Variants in RBFOX1 observed in about 807,000 individuals in gnomAD.
RBFOX1 encodes RNA binding protein fox-1 homolog 1.
A neutral mutation model predicts 57.7 loss-of-function variants in RBFOX1; 8 were observed. That is an observed-to-expected ratio of 0.14 (90% CI 0.08 to 0.25). The LOEUF (loss-of-function observed/expected upper bound fraction) is 0.25. Ranked by LOEUF, RBFOX1 falls within the 10% of genes least tolerant of loss-of-function variation. The pLI is 1.00. For missense variants in RBFOX1, 611 were observed against 548.5 expected, an observed-to-expected ratio of 1.11 and a Z score of -1.14; for synonymous variants, 326 against 222.4, an observed-to-expected ratio of 1.47 and a Z score of -4.15.
chr16:7,593,101 C>T (rs564949509), intron 7 of RBFOX1, among the ~76,000 whole-genome samples: 132 of 152,168 alleles, frequency 8.7e-4, no homozygotes, highest in African/African-American at 3.1e-3. Flanking sequence ...AGGTGTGAGC[C>T]ACCATGCCTG....
intron 1 of RBFOX1, among the ~76,000 whole-genome samples, chr16:5,428,105 G>GGTGTGTGTGTGT (rs1169073538): frequency 7.2e-6 from 1 of 138,086 alleles, no homozygotes; most frequent in African/African-American, 2.5e-5. Flanking sequence ...GCTCTGGAAG[G>GGTGTGTGTGTGT]GTGTGTGTGT....
chr16:7,028,195 C>A (rs1038989637), intron 3 of RBFOX1, among the ~76,000 whole-genome samples: 1 of 152,128 alleles, frequency 6.6e-6, no homozygotes, highest in Non-Finnish European at 1.5e-5. Context: ...TAGATAGACT[C>A]TTCCATTTCC....
At chr16:7,591,643 T>G (rs564496260) in intron 7 of RBFOX1, among the ~76,000 whole-genome samples, 1 of 152,146 alleles carries the variant, frequency 6.6e-6, no homozygotes, top group African/African-American at 2.4e-5. Context: ...TCAGTAGCAT[T>G]AAAGGTAAAC....
Position 7,627,810 on chromosome 16 carries a change from G to A in RBFOX1, c.677-2793G>A, listed in dbSNP as rs567025197. Among the ~76,000 whole-genome samples, 175 of 152,198 alleles carry A rather than the reference G, an allele frequency of 1.1e-3. 1 individual carries two copies. The highest frequency in any genetic ancestry group is 2.0e-3 in the Non-Finnish European group (135 of 67,998). The stretch of plus-strand genomic sequence containing the variant: ...AAAGCACTAAGGGAACATACAGTAA[G>A]TACTTTCCAAATTAAATTGGAGGAT... On this transcript the variant is annotated intron_variant, in intron 10 of 15. Transcript: ENST00000550418.
At chr16:6,250,184 G>A (rs1423713535) in intron 1 of RBFOX1, among the ~76,000 whole-genome samples, 1 of 152,126 alleles carries the variant, frequency 6.6e-6, no homozygotes, top group Non-Finnish European at 1.5e-5. Context: ...GCTTTCACCA[G>A]GCTATAAGAG....
chr16:5,897,265 G>A (rs1340518318), intron 4 of RBFOX1, among the ~76,000 whole-genome samples: 1 of 151,654 alleles, frequency 6.6e-6, no homozygotes, highest in Non-Finnish European at 1.5e-5. Context: ...TCGATCTCCT[G>A]ACCTCATGAT....
intron 1 of RBFOX1, among the ~76,000 whole-genome samples, chr16:6,110,505 T>C (rs561581244): frequency 6.6e-6 from 1 of 152,322 alleles, no homozygotes; most frequent in Admixed American, 6.5e-5. Flanking sequence ...TGTGAAATGA[T>C]GTGGACTTAA....
chr16:6,343,661 G>C (rs2084902702), intron 2 of RBFOX1, among the ~76,000 whole-genome samples: 1 of 152,164 alleles, frequency 6.6e-6, no homozygotes, highest in Admixed American at 6.5e-5. Flanking sequence ...TTTTTAAAAA[G>C]TGTTTTTTGA....
At chr16:6,428,037 C>G (rs565963167) in intron 2 of RBFOX1, among the ~76,000 whole-genome samples, 1 of 152,220 alleles carries the variant, frequency 6.6e-6, no homozygotes, top group African/African-American at 2.4e-5. Flanking sequence ...AATCCCAGCA[C>G]TTTGGGAGGC....
chr16:5,428,111 T>C (rs563189605), intron 1 of RBFOX1, among the ~76,000 whole-genome samples: 124 of 101,676 alleles, frequency 1.2e-3, no homozygotes, highest in African/African-American at 3.6e-3. Context: ...GAAGGGTGTG[T>C]GTGTGTGTGT....
At chr16:7,607,965 T>G (rs1254105615) in intron 10 of RBFOX1, among the ~76,000 whole-genome samples, 1 of 152,198 alleles carries the variant, frequency 6.6e-6, no homozygotes, top group Non-Finnish European at 1.5e-5. Flanking sequence ...TTAGAAATTT[T>G]GGGAGAGCAT....
At position 5,919,559 on chromosome 16, in the gene RBFOX1, G is replaced by T. The variant is rs531892656; in HGVS notation, c.351+52224G>T. Among the ~76,000 whole-genome samples the T allele has an allele frequency of 2.0e-5, 3 of 152,210 alleles. No individual in the cohort carries two copies. The South Asian group carries it at 6.2e-4, about 32-fold the overall frequency. ...GGGTTTCCCCATGTTGGTCAGGTGG[G>T]TCCCAAACTCCCGACCCGAGGTGAT... On this transcript the variant is annotated intron_variant, in intron 4 of 19. Coordinates refer to the RBFOX1 transcript ENST00000641259.
chr16:6,815,539 C>T (rs1187807227), intron 3 of RBFOX1, among the ~76,000 whole-genome samples: 5 of 152,184 alleles, frequency 3.3e-5, no homozygotes, highest in Non-Finnish European at 5.9e-5. Context: ...CTACGCCAGA[C>T]ATTATGCCAG....
chr16:6,164,222 C>T (rs756711440), intron 1 of RBFOX1, among the ~76,000 whole-genome samples: 28 of 152,086 alleles, frequency 1.8e-4, no homozygotes, highest in Non-Finnish European at 3.5e-4. Context: ...CAAAATCAGG[C>T]AGATATTTGT....
At chr16:5,624,885 G>A (rs1369310897) in intron 3 of RBFOX1, among the ~76,000 whole-genome samples, 1 of 152,144 alleles carries the variant, frequency 6.6e-6, no homozygotes, top group Non-Finnish European at 1.5e-5. Flanking sequence ...GGGGCTGTTT[G>A]ACCACTTGGA....
intron 1 of RBFOX1, among the ~76,000 whole-genome samples, chr16:6,224,736 C>T (rs1241284076): frequency 6.6e-6 from 1 of 152,084 alleles, no homozygotes; most frequent in Admixed American, 6.6e-5. Context: ...GAATCACTTA[C>T]TTGGCCAGGT....
At chr16:6,431,435 C>CCACTA (rs1372012520) in intron 2 of RBFOX1, among the ~76,000 whole-genome samples, 1 of 151,978 alleles carries the variant, frequency 6.6e-6, no homozygotes, top group Non-Finnish European at 1.5e-5. Context: ...ACGGTCCAGC[C>CCACTA]CACTACCTAA....
At chr16:7,519,507 G>A (rs1403286462) in intron 5 of RBFOX1, among the ~76,000 whole-genome samples, 1 of 152,198 alleles carries the variant, frequency 6.6e-6, no homozygotes, top group Non-Finnish European at 1.5e-5. Flanking sequence ...CACTGTAAAT[G>A]AAAACTGGTG....
intron 3 of RBFOX1, among the ~76,000 whole-genome samples, chr16:6,937,683 TG>T (rs1210852898): frequency 6.6e-6 from 1 of 152,122 alleles, no homozygotes; most frequent in Non-Finnish European, 1.5e-5. Flanking sequence ...TCCACGTTAT[TG>T]GCAATTGGTT....
Sources: allele counts gnomAD v4.1 joint callset (sites outside exome capture counted in the v4.1 genomes callset), GRCh38; gene constraint gnomAD v4.1.1; transcripts MANE v1.5; gene names NCBI Gene and HGNC (gene_info 2026-07-23, HGNC 2026-07-21).